The following SPG11 variants were observed in gnomAD, a reference collection of about 807,000 sequenced individuals.
SPG11 encodes the protein spatacsin.
SPG11 carries 222 observed loss-of-function variants against 274.0 expected under a neutral mutation model. The observed-to-expected ratio is 0.81, with a 90% CI of 0.73 to 0.91. The LOEUF (loss-of-function observed/expected upper bound fraction) is 0.91. SPG11 is among the 40% of genes least tolerant of loss of function. SPG11 has a pLI of 0.00. For synonymous variants in SPG11, 1,144 were observed against 1,039.7 expected (o/e 1.10, Z -1.93); for missense variants, 3,114 against 2,872.7 (o/e 1.08, Z -1.92).
intron 20 of SPG11, among the ~76,000 whole-genome samples, chr15:44,605,437 T>G (rs370160584): frequency 1.3e-5 from 2 of 152,112 alleles, no homozygotes; most frequent in Admixed American, 1.3e-4. Flanking sequence ...TAGGGTAATA[T>G]AGGCAGAGGC....
At chr15:44,566,174 A>ACAG (rs1213622565) in intron 37 of SPG11, 43 bp downstream of exon 37, 1 of 1,608,932 alleles carries the variant, frequency 6.2e-7, no homozygotes, top group Non-Finnish European at 8.5e-7. Context: ...TTTACTGCAG[A>ACAG]CAGCAAGTCC....
chr15:44,658,578 C>T (rs897978665), intron 3 of SPG11, among the ~76,000 whole-genome samples: 2 of 151,982 alleles, frequency 1.3e-5, no homozygotes, highest in Non-Finnish European at 2.9e-5. Context: ...CCTGCCTCAG[C>T]CTCCCGAGTA....
At position 44,645,219 on chromosome 15, in the gene SPG11, T is replaced by C. The variant is rs576895890; in HGVS notation, c.1602+3647A>G. On this transcript the variant is annotated intron_variant, in intron 7 of 39. Coordinates refer to ENST00000261866, the MANE Select transcript of SPG11 (RefSeq NM_025137.4). ...CTTCACATCACCTGACTTCAAACTA[T>C]ACTACAAGGCTACAATAACCAAAAC... 7.6e-4 allele frequency among the ~76,000 whole-genome samples: 116 copies of C among 152,176 alleles called. 1 individual carries two copies. The highest frequency in any genetic ancestry group is 2.7e-3 in the African/African-American group (111 of 41,516).
chr15:44,593,625 A>G (rs2082957222), intron 26 of SPG11, among the ~76,000 whole-genome samples: 2 of 152,222 alleles, frequency 1.3e-5, no homozygotes, highest in South Asian at 4.1e-4. Flanking sequence ...GTTCTGAATT[A>G]GAAAGTATGG....
rs376143651 is a variant in SPG11, at chr15:44,620,355, C to A, written c.2669G>T (p.Arg890Leu). The change falls in exon 15 of 40, where the codon CGC (arginine) becomes CTC (leucine). Residue 890 changes from arginine to leucine, a missense_variant. Physicochemically the swap from Arg to Leu is moderately radical, Grantham distance 102 (BLOSUM62 -2). Transcript: ENST00000261866. ...PEALWRYLTA[R>L]HDWLNIILWI... ...TAAGATAATGTTTAACCAATCATGG[C>A]GAGCTGTGAGGTATCTCCAGAGGGC... is the stretch of plus-strand genomic sequence containing the variant. The A allele has an allele frequency of 6.8e-6, 11 of 1,613,754 alleles. No individual in the cohort carries two copies. Among genetic ancestry groups the A allele is most frequent in the Middle Eastern group, 3.3e-4 (2 of 6,084 alleles).
At chr15:44,607,364 T>C (rs776893156) in intron 19 of SPG11, among the ~76,000 whole-genome samples, 1 of 152,164 alleles carries the variant, frequency 6.6e-6, no homozygotes, top group Non-Finnish European at 1.5e-5. Context: ...TTACTGCAAC[T>C]TTCGCCTCCC....
At chr15:44,566,108 GC>G in intron 37 of SPG11, 99 bp from the exon 38 acceptor site, 1 of 1,584,306 alleles carries the variant, frequency 6.3e-7, no homozygotes, top group Non-Finnish European at 8.6e-7. Context: ...TTCCTGGTTG[GC>G]CTATGATGCC....
intron 4 of SPG11, 90 bp from the exon 5 acceptor site, chr15:44,652,356 A>G: frequency 1.5e-6 from 2 of 1,371,354 alleles, no homozygotes; most frequent in Non-Finnish European, 2.0e-6. Flanking sequence ...ATAAGAGATT[A>G]CAGAGAAGGA....
intron 35 of SPG11, among the ~76,000 whole-genome samples, chr15:44,568,010 TTTG>T (rs1481364823): frequency 3.9e-5 from 6 of 152,162 alleles, no homozygotes; most frequent in Admixed American, 3.9e-4. Flanking sequence ...AGGAGGATGA[TTTG>T]TTGATTTGGG....
chr15:44,628,378 T>C (rs1345276239), intron 10 of SPG11, among the ~76,000 whole-genome samples: 2 of 152,224 alleles, frequency 1.3e-5, no homozygotes, highest in African/African-American at 2.4e-5. Context: ...TGAGGGAGTA[T>C]TGCTAAGGAG....
At chr15:44,640,723 A>T (rs1246183897) in intron 7 of SPG11, among the ~76,000 whole-genome samples, 1 of 151,968 alleles carries the variant, frequency 6.6e-6, no homozygotes, top group South Asian at 2.1e-4. Context: ...GCAGTAAAAG[A>T]CAGGACTTTT....
chr15:44,610,092 G>A (rs929889015), intron 18 of SPG11, among the ~76,000 whole-genome samples: 3 of 151,606 alleles, frequency 2.0e-5, no homozygotes, highest in South Asian at 2.1e-4. Context: ...TAGTAGAGAC[G>A]GGGTTTCAGC....
chr15:44,595,416 G>A lies in SPG11; in HGVS notation c.4478C>T (p.Ser1493Phe), dbSNP rs1348767543. Residue 1493 changes from serine to phenylalanine, a missense_variant, in exon 26 of 40, where the codon TCT becomes TTT. Coordinates refer to ENST00000261866, the MANE Select transcript of SPG11 (RefSeq NM_025137.4). ...ISCLCVWIITSVEDNVATEAM... is the reference protein window; with the variant it reads ...ISCLCVWIITFVEDNVATEAM... ...TTCAGTTGCAACATTGTCCTCCACA[G>A]AAGTGATGATCCAAACACAGAGACA... 6.2e-7 allele frequency: 1 copy of A among 1,614,184 alleles called. No individual in the cohort carries two copies. Among genetic ancestry groups the A allele is most frequent in the Admixed American group, 1.7e-5 (1 of 60,020 alleles).
At chr15:44,587,718 A>C (rs868588967) in intron 28 of SPG11, among the ~76,000 whole-genome samples, 3 of 148,728 alleles carry the variant, frequency 2.0e-5, no homozygotes, top group African/African-American at 7.7e-5. Flanking sequence ...AAAAAAAAAA[A>C]AACGTATTCC....
intron 26 of SPG11, among the ~76,000 whole-genome samples, chr15:44,593,137 C>T (rs760243974): frequency 6.6e-6 from 1 of 152,168 alleles, no homozygotes; most frequent in African/African-American, 2.4e-5. Flanking sequence ...CTATACTTGG[C>T]CTATTGCACA....
rs1232644781 is a variant in SPG11, at chr15:44,610,893, G to A, written c.3238C>T (p.His1080Tyr). The change falls in exon 18 of 40, where the codon CAT becomes TAT. Residue 1080 changes from histidine (H) to tyrosine (Y), a missense_variant. Physicochemically the swap from His to Tyr is moderately conservative, Grantham distance 83. Transcript: ENST00000261866. ...ASVSSMLLEG[H>Y]TLLALATTMY... is the part of the protein sequence containing the mutation. The stretch of plus-strand genomic sequence containing the variant: ...GTAGTAGCAAGGGCCAGGAGGGTAT[G>A]TCCTTCCAATAGCATACTGCTTACA... The A allele has an allele frequency of 6.2e-7, 1 of 1,613,930 alleles. No individual in the cohort carries two copies. Among genetic ancestry groups the A allele is most frequent in the East Asian group, 2.2e-5 (1 of 44,864 alleles).
At chr15:44,658,461 C>T (rs932963188) in intron 3 of SPG11, among the ~76,000 whole-genome samples, 2 of 139,858 alleles carry the variant, frequency 1.4e-5, no homozygotes, top group Non-Finnish European at 3.1e-5. Flanking sequence ...ACAACATAAG[C>T]TTTTTTTTTT....
intron 11 of SPG11, among the ~76,000 whole-genome samples, chr15:44,625,001 T>C (rs931291573): frequency 3.3e-5 from 5 of 152,050 alleles, no homozygotes; most frequent in African/African-American, 1.2e-4. Context: ...CCAGGCATGG[T>C]GGCGCATGCT....
At chr15:44,577,502 CAA>C (rs755097423) in intron 30 of SPG11, among the ~76,000 whole-genome samples, 6 of 91,692 alleles carry the variant, frequency 6.5e-5, no homozygotes, top group Admixed American at 1.2e-4. Flanking sequence ...GGCCCTATCT[CAA>C]AAAAAAAAAA....
Sources: allele counts gnomAD v4.1 joint callset (sites outside exome capture counted in the v4.1 genomes callset), GRCh38; gene constraint gnomAD v4.1.1; transcripts MANE v1.5; gene names NCBI Gene and HGNC (gene_info 2026-07-23, HGNC 2026-07-21).